GHRH: variants seen among roughly 807,000 people sequenced by gnomAD.
GHRH encodes growth hormone releasing hormone.
Under a neutral mutation model 15.6 loss-of-function variants are expected in GHRH, and 7 were observed. The ratio of observed to expected loss-of-function variants is 0.45; its 90% CI spans 0.26 to 0.84. GHRH has a LOEUF of 0.84. Among genes scored for constraint, GHRH ranks in the 40% least tolerant of loss-of-function variants. GHRH has a pLI of 0.18. For missense variants in GHRH, 117 were observed against 138.0 expected, an observed-to-expected ratio of 0.85 and a Z score of 0.76; for synonymous variants, 54 against 50.4, an observed-to-expected ratio of 1.07 and a Z score of -0.30.
At position 37,256,530 on chromosome 20, in the gene GHRH, G is replaced by A. The variant is rs535603134; in HGVS notation, c.84-32C>T. 6.4e-6 allele frequency: 9 copies of A among 1,402,582 alleles called. No homozygotes were observed. The East Asian group carries it at 2.1e-4, about 32-fold the overall frequency. The allele number at this position is 1,402,582 out of a possible 1,614,324, so 86.9% of individuals were successfully genotyped here. ...GGAAGGAGTCAGGGGTCAGAGGGCG[G>A]GGTGGAGGCCAGGCGAGAGGACAGT... is the stretch of plus-strand genomic sequence containing the variant. On this transcript the variant is annotated intron_variant, in intron 2 of 4. Coordinates refer to ENST00000373614, the MANE Select transcript of GHRH (RefSeq NM_021081.6).
rs1358163556 is a variant in GHRH at position 37,258,245 on chromosome 20, T to C, written c.-19-1337A>G. Among the ~76,000 whole-genome samples, 1 of 152,118 alleles carries C rather than the reference T, an allele frequency of 6.6e-6. No homozygotes were observed. The highest frequency in any genetic ancestry group is 1.5e-5 in the Non-Finnish European group (1 of 67,988). Reference sequence around the variant, plus strand: ...TTGGGTCCTCCCATCTCCCATGGGTTTCTCCCTCTCTCAGCAGGATGTCTA... The same window carrying C: ...TTGGGTCCTCCCATCTCCCATGGGTCTCTCCCTCTCTCAGCAGGATGTCTA... On this transcript the variant is annotated intron_variant, in intron 1 of 4. Coordinates refer to ENST00000373614, the MANE Select transcript of GHRH (RefSeq NM_021081.6). This position sits in a 1 kb window ranked among gnomAD's most constrained non-coding sequence, Gnocchi z 4.1.
At position 37,254,473 on chromosome 20, in the gene GHRH, A is replaced by G. The variant is rs1000374953; in HGVS notation, c.189-144T>C. On this transcript the variant is annotated intron_variant, in intron 3 of 4. Coordinates refer to ENST00000373614, the MANE Select transcript of GHRH (RefSeq NM_021081.6). ...TCAGCCACACTTAGGGAGGCAGTAT[A>G]TATAGTAATGAAGAGCACAGAAGTA... 8 of 809,496 alleles carry G rather than the reference A, an allele frequency of 9.9e-6. No individual in the cohort carries two copies. The African/African-American group carries it at 1.0e-4, about 10-fold the overall frequency. 50.1% of individuals were successfully genotyped at this position (809,496 alleles called of 1,614,324 possible).
In GHRH at chr20:37,251,805, T is replaced by C. The variant is rs6104268; in HGVS notation, c.309-574A>G. On this transcript the variant is annotated intron_variant, in intron 4 of 4. Transcript: ENST00000373614. Reference sequence around the variant, plus strand: ...ATGATGGCTGCAAAAGTGTGCCATCTGTCACATGGCTCTACTCTGCACTCT... The same window carrying C: ...ATGATGGCTGCAAAAGTGTGCCATCCGTCACATGGCTCTACTCTGCACTCT... 4.7e-3 allele frequency among the ~76,000 whole-genome samples: 713 copies of C among 152,322 alleles called. 7 individuals carry two copies. The highest frequency in any genetic ancestry group is 0.017 in the African/African-American group (694 of 41,566).
Position 37,258,128 on chromosome 20 carries a change from C to T in GHRH, c.-19-1220G>A, listed in dbSNP as rs572445987. Among the ~76,000 whole-genome samples, 7 of 152,346 alleles carry T rather than the reference C, an allele frequency of 4.6e-5. No individual in the cohort carries two copies. The highest frequency in any genetic ancestry group is 4.1e-4 in the South Asian group (2 of 4,826). On this transcript the variant is annotated intron_variant, in intron 1 of 4. Transcript: ENST00000373614. The surrounding 1 kb of genome is among the most constrained non-coding windows in gnomAD (Gnocchi z 4.1). ...AAAACAGCCAGCAGGGGACAGAGCCCGCCTCCGCTGGGGCAAGTGCCACTG... is the reference window on the plus strand; with the variant it reads ...AAAACAGCCAGCAGGGGACAGAGCCTGCCTCCGCTGGGGCAAGTGCCACTG...
chr20:37,256,514 CAG>C lies in GHRH; in HGVS notation c.84-18_84-17del, dbSNP rs1329046152. 4.2e-5 allele frequency: 66 copies of C among 1,573,390 alleles called. No individual in the cohort carries two copies. Among genetic ancestry groups the C allele is most frequent in the African/African-American group, 8.1e-5 (6 of 74,030 alleles). On this transcript the variant is annotated splice_polypyrimidine_tract_variant and intron_variant, in intron 2 of 4. Coordinates refer to ENST00000373614, the MANE Select transcript of GHRH (RefSeq NM_021081.6). ...CCGCCGCATCCTGTGCGGAAGGAGT[CAG>C]GGGTCAGAGGGCGGGGTGGAGGCCA...
At position 37,254,224 on chromosome 20, in the gene GHRH, C is replaced by T. The variant is rs1398184671; in HGVS notation, c.294G>A (p.Leu98=). 6.2e-7 allele frequency: 1 copy of T among 1,614,112 alleles called. No homozygotes were observed. The highest frequency in any genetic ancestry group is 1.3e-5 in the African/African-American group (1 of 74,934). Residue 98 remains leucine, a synonymous_variant, in exon 4 of 5, where the codon CTG becomes CTA. Transcript: ENST00000373614. ...QMELESILVA[L]LQKHSRNSQG ...CACACCCATACCTGTGCTTCTGCAGCAGGGCCACCAGGATGCTCTCCAATT... is the reference window on the plus strand; with the variant it reads ...CACACCCATACCTGTGCTTCTGCAGTAGGGCCACCAGGATGCTCTCCAATT...
At chr20:37,253,212 C>T (rs1470226806) in intron 4 of GHRH, among the ~76,000 whole-genome samples, 2 of 152,212 alleles carry the variant, frequency 1.3e-5, no homozygotes, top group African/African-American at 4.8e-5. Flanking sequence ...CTTTGCCTCA[C>T]TTTTCCTCCT....
Position 37,254,515 on chromosome 20 carries a change from C to G in GHRH, c.189-186G>C, listed in dbSNP as rs577071332. Reference sequence around the variant, plus strand: ...ACAGAAGTACAAGTGTACACAGTTGCAAAACGTCTCCCCACAGATTATTAA... The same window carrying G: ...ACAGAAGTACAAGTGTACACAGTTGGAAAACGTCTCCCCACAGATTATTAA... On this transcript the variant is annotated intron_variant, in intron 3 of 4. Transcript: ENST00000373614. 2.6e-5 allele frequency among the ~76,000 whole-genome samples: 4 copies of G among 152,224 alleles called. No homozygotes were observed. The South Asian group carries it at 8.3e-4, about 32-fold the overall frequency.
intron 3 of GHRH, among the ~76,000 whole-genome samples, chr20:37,255,535 C>T (rs1478248363): frequency 6.6e-6 from 1 of 151,280 alleles, no homozygotes; most frequent in Non-Finnish European, 1.5e-5. Flanking sequence ...GTGGCGGGCA[C>T]CTGTAGTCTC....
At chr20:37,260,709 C>G (rs2068683258) in intron 1 of GHRH, among the ~76,000 whole-genome samples, 2 of 152,236 alleles carry the variant, frequency 1.3e-5, no homozygotes, top group Non-Finnish European at 1.5e-5. Context: ...ACTGAAGGCA[C>G]TCCAGAGTTT....
chr20:37,256,423 C>G lies in GHRH; in HGVS notation c.159G>C (p.Leu53=). The change falls in exon 3 of 5, where the codon CTG becomes CTC. Residue 53 remains leucine (L), a synonymous_variant. Transcript: ENST00000373614. ...GCTGCCTGCTCATGATGTCCTGGAGCAGCTTGCGGGCGGACAGCTGGCCCA... is the reference window on the plus strand; with the variant it reads ...GCTGCCTGCTCATGATGTCCTGGAGGAGCTTGCGGGCGGACAGCTGGCCCA... ...KVLGQLSARK[L]LQDIMSRQQG... The G allele has an allele frequency of 6.2e-7, 1 of 1,613,070 alleles. No homozygotes were observed. The highest frequency in any genetic ancestry group is 2.2e-5 in the East Asian group (1 of 44,870).
At position 37,252,373 on chromosome 20, in the gene GHRH, A is replaced by C. The variant is rs186511131; in HGVS notation, c.309-1142T>G. 2.7e-4 allele frequency among the ~76,000 whole-genome samples: 41 copies of C among 152,268 alleles called. No individual in the cohort carries two copies. In the East Asian group the frequency reaches 7.4e-3, roughly 27 times the overall value. On this transcript the variant is annotated intron_variant, in intron 4 of 4. Transcript: ENST00000373614. ...CTAATCGGGTTGGGAAGAAGGTGAGAGAGGCCATGGAGCGCTCTGCTGGGA... is the reference window on the plus strand; with the variant it reads ...CTAATCGGGTTGGGAAGAAGGTGAGCGAGGCCATGGAGCGCTCTGCTGGGA...
intron 4 of GHRH, among the ~76,000 whole-genome samples, 194 bp downstream of exon 4, chr20:37,254,016 G>T (rs2068639304): frequency 6.6e-6 from 1 of 152,190 alleles, no homozygotes; most frequent in Non-Finnish European, 1.5e-5. Flanking sequence ...CTCCCAAAGT[G>T]TTGGGATTAC....
chr20:37,251,969 G>A (rs562216315), intron 4 of GHRH, among the ~76,000 whole-genome samples: 23 of 152,302 alleles, frequency 1.5e-4, no homozygotes, highest in Non-Finnish European at 3.2e-4. Context: ...TCTCCGTGAA[G>A]CCTCTGGCTT....
intron 1 of GHRH, among the ~76,000 whole-genome samples, chr20:37,260,748 C>CT (rs1209639434): frequency 6.6e-6 from 1 of 152,208 alleles, no homozygotes; most frequent in African/African-American, 2.4e-5. Flanking sequence ...CATCGGTTAG[C>CT]TTCCTGCAGT....
At chr20:37,256,532 G>A in intron 2 of GHRH, 34 bp from the exon 3 acceptor site, 1 of 1,381,352 alleles carries the variant, frequency 7.2e-7, no homozygotes, top group Non-Finnish European at 1.0e-6. Flanking sequence ...AGAGGGCGGG[G>A]TGGAGGCCAG....
intron 4 of GHRH, 69 bp downstream of exon 4, chr20:37,254,140 CT>C: frequency 6.4e-7 from 1 of 1,571,664 alleles, no homozygotes; most frequent in Non-Finnish European, 8.7e-7. Context: ...GGATTTTTTC[CT>C]TTTCCTGGCA....
At chr20:37,261,523 CGCCCAAGTTAAGACAA>C (rs1207900046) in intron 1 of GHRH, among the ~76,000 whole-genome samples, 1 of 152,192 alleles carries the variant, frequency 6.6e-6, no homozygotes, top group Non-Finnish European at 1.5e-5. Context: ...GTCCGCCACG[CGCCCAAGTTAAGACAA>C]GCCCCAAACA....
rs149847547 is a variant in GHRH, at chr20:37,255,744, T to C, written c.188+650A>G. On this transcript the variant is annotated intron_variant, in intron 3 of 4. Coordinates refer to ENST00000373614, the MANE Select transcript of GHRH (RefSeq NM_021081.6). The stretch of plus-strand genomic sequence containing the variant: ...TTGTTATGAAGATTAAAGAAGAAAC[T>C]AAAAGCTGGGCAAGGTGGCTCACAA... Among the ~76,000 whole-genome samples the C allele has an allele frequency of 2.2e-5, 3 of 139,006 alleles. No individual in the cohort carries two copies. In the East Asian group the frequency reaches 7.0e-4, roughly 32 times the overall value. The allele number at this position is 139,006 out of a possible 152,430, so 91.2% of individuals were successfully genotyped here. A position where few individuals can be genotyped will look rare whatever the true frequency, so the allele number is the denominator to read the frequency against.
Sources: allele counts gnomAD v4.1 joint callset (sites outside exome capture counted in the v4.1 genomes callset), GRCh38; gene constraint gnomAD v4.1.1; non-coding constraint Gnocchi (gnomAD v3.1); transcripts MANE v1.5; gene names NCBI Gene and HGNC (gene_info 2026-07-23, HGNC 2026-07-21).